Variants in RCC1L observed in about 807,000 individuals in gnomAD.
RCC1L encodes the protein RCC1 like.
A neutral mutation model predicts 58.6 loss-of-function variants in RCC1L; 46 were observed. The ratio of observed to expected loss-of-function variants is 0.79; its 90% CI spans 0.62 to 1.00. RCC1L has a LOEUF of 1.00. Among genes scored for constraint, RCC1L ranks in the 50% least tolerant of loss-of-function variants. The pLI is 0.00. For synonymous variants in RCC1L, 281 were observed against 262.9 expected (o/e 1.07, Z -0.67); for missense variants, 636 against 623.6 (o/e 1.02, Z -0.21).
chr7:75,030,019 G>A (rs1470023913), intron 10 of RCC1L, among the ~76,000 whole-genome samples: 3 of 152,214 alleles, frequency 2.0e-5, no homozygotes, highest in African/African-American at 4.8e-5. Flanking sequence ...AGAGGCCCCA[G>A]GGAAGGAAGC....
rs1168691414 is a variant in RCC1L at position 75,056,188 on chromosome 7, T to C, written c.1058-114A>G. The stretch of plus-strand genomic sequence containing the variant: ...GACATCCACACGGTTTTTTTTTGTT[T>C]TTTTTTTGTTTTGTTTTTTTCCTCC... On this transcript the variant is annotated intron_variant, in intron 8 of 10. Transcript: ENST00000610322. 7 of 1,295,744 alleles carry C rather than the reference T, an allele frequency of 5.4e-6. No homozygotes were observed. In the South Asian group the frequency reaches 7.7e-5, roughly 14 times the overall value. The allele number at this position is 1,295,744 out of a possible 1,614,324, so 80.3% of individuals were successfully genotyped here. A position where few individuals can be genotyped will look rare whatever the true frequency, so the allele number is the denominator to read the frequency against.
chr7:75,065,229 C>T (rs1331887368), intron 3 of RCC1L, among the ~76,000 whole-genome samples: 8 of 152,026 alleles, frequency 5.3e-5, no homozygotes, highest in Non-Finnish European at 8.8e-5. Context: ...ATGCCACCTC[C>T]GCCTTCTCCT....
chr7:75,065,772 C>A (rs1177301425), intron 3 of RCC1L, among the ~76,000 whole-genome samples: 1 of 152,016 alleles, frequency 6.6e-6, no homozygotes, highest in Non-Finnish European at 1.5e-5. Context: ...AATCCCAGCA[C>A]TTTGGGAGAC....
chr7:75,035,811 G>A (rs1226720002), intron 10 of RCC1L, among the ~76,000 whole-genome samples: 2 of 151,720 alleles, frequency 1.3e-5, no homozygotes, highest in Non-Finnish European at 2.9e-5. Flanking sequence ...ATACCACCCT[G>A]GGCAACACAG....
At chr7:75,030,820 C>T (rs1395568447) in intron 10 of RCC1L, among the ~76,000 whole-genome samples, 1 of 152,162 alleles carries the variant, frequency 6.6e-6, no homozygotes, top group East Asian at 1.9e-4. Context: ...TGGGGCTGCC[C>T]GTGCTGACTC....
chr7:75,070,577 A>G (rs1806686136), intron 2 of RCC1L, 63 bp downstream of exon 2: 1 of 1,588,624 alleles, frequency 6.3e-7, no homozygotes, highest in East Asian at 2.3e-5. Flanking sequence ...CTCAAAAAAA[A>G]TACAAAAAAA....
intron 10 of RCC1L, among the ~76,000 whole-genome samples, chr7:75,045,520 CT>C (rs781987423): frequency 0.75 from 108,057 of 143,130 alleles, 40,608 homozygotes; most frequent in East Asian, 0.88. Context: ...ATGCATCTCT[CT>C]TTTTTTTTTT....
chr7:75,063,356 A>G lies in RCC1L; in HGVS notation c.651-13T>C, dbSNP rs1442959827. ...TCTGTGACTTTCACTACAGCCAGGA[A>G]CAAATTGGGAAGAAGCAAGGGATGC... is the stretch of plus-strand genomic sequence containing the variant. On this transcript the variant is annotated splice_polypyrimidine_tract_variant and intron_variant, in intron 4 of 10. Coordinates refer to ENST00000610322, the MANE Select transcript of RCC1L (RefSeq NM_030798.5). The G allele has an allele frequency of 2.5e-6, 4 of 1,613,664 alleles. No homozygotes were observed. The highest frequency in any genetic ancestry group is 3.4e-6 in the Non-Finnish European group (4 of 1,179,792).
chr7:75,028,820 G>A (rs927951280), intron 10 of RCC1L, among the ~76,000 whole-genome samples: 128 of 152,332 alleles, frequency 8.4e-4, no homozygotes, highest in African/African-American at 2.9e-3. Flanking sequence ...CATCTGAGCT[G>A]GAGAGGCTTG....
intron 10 of RCC1L, among the ~76,000 whole-genome samples, chr7:75,048,553 T>C (rs1355370118): frequency 1.3e-5 from 2 of 152,186 alleles, no homozygotes; most frequent in African/African-American, 4.8e-5. Flanking sequence ...ACCCTCAAGG[T>C]GTCTGGAGGA....
At chr7:75,063,485 T>C (rs111889192) in intron 4 of RCC1L, 142 bp from the exon 5 acceptor site, 3 of 910,770 alleles carry the variant, frequency 3.3e-6, no homozygotes, top group Non-Finnish European at 5.5e-6. Context: ...GGTCAAATCT[T>C]AGGTCGAGTC....
At chr7:75,031,547 G>A (rs1294047141) in intron 10 of RCC1L, among the ~76,000 whole-genome samples, 2 of 151,620 alleles carry the variant, frequency 1.3e-5, no homozygotes, top group African/African-American at 2.4e-5. Context: ...GCTGGTGGCC[G>A]TCTGGTTTTT....
chr7:75,041,270 C>G (rs1293664403), downstream of RCC1L, among the ~76,000 whole-genome samples: 1 of 151,996 alleles, frequency 6.6e-6, no homozygotes, highest in Admixed American at 6.6e-5. Flanking sequence ...TCCCGAGATC[C>G]CATCCTCTCC....
intron 10 of RCC1L, among the ~76,000 whole-genome samples, chr7:75,047,646 TTATA>T (rs1277507537): frequency 6.6e-6 from 1 of 151,368 alleles, no homozygotes; most frequent in Non-Finnish European, 1.5e-5. Context: ...ATAAATAAAA[TTATA>T]TATATATATT....
At chr7:75,072,252 C>A (rs1554446271) in intron 1 of RCC1L, among the ~76,000 whole-genome samples, 1 of 142,450 alleles carries the variant, frequency 7.0e-6, no homozygotes, top group Non-Finnish European at 1.5e-5. Context: ...GTCTCAAACT[C>A]TTGAACTCAA....
intron 10 of RCC1L, among the ~76,000 whole-genome samples, chr7:75,051,173 G>GAA (rs1554443296): frequency 0.011 from 1,578 of 140,050 alleles, 16 homozygotes; most frequent in Middle Eastern, 0.052. Flanking sequence ...GATAGTCTTG[G>GAA]AAAAAATATA....
chr7:75,035,838 C>G (rs879147022), intron 10 of RCC1L, among the ~76,000 whole-genome samples: 5,602 of 152,002 alleles, frequency 0.037, 154 homozygotes, highest in Middle Eastern at 0.1. Flanking sequence ...CCCCCCATCT[C>G]TACAAAAAAT....
At chr7:75,072,508 A>T (rs2115571572) in intron 1 of RCC1L, among the ~76,000 whole-genome samples, 1 of 152,162 alleles carries the variant, frequency 6.6e-6, no homozygotes, top group East Asian at 1.9e-4. Context: ...TCAGGCTATT[A>T]CCATGAAAAG....
intron 10 of RCC1L, 92 bp from the exon 11 acceptor site, chr7:75,043,201 T>A: frequency 7.1e-7 from 1 of 1,403,506 alleles, no homozygotes; most frequent in Non-Finnish European, 1.0e-6. Flanking sequence ...TGCCTCTCAG[T>A]AGGAGACTCA....
Sources: allele counts gnomAD v4.1 joint callset (sites outside exome capture counted in the v4.1 genomes callset), GRCh38; gene constraint gnomAD v4.1.1; transcripts MANE v1.5; gene names NCBI Gene and HGNC (gene_info 2026-07-23, HGNC 2026-07-21).